The following GPHN variants were observed in gnomAD, a reference collection of about 807,000 sequenced individuals.
The protein encoded by GPHN is gephyrin.
GPHN carries 17 observed loss-of-function variants against 95.5 expected under a neutral mutation model. The ratio of observed to expected loss-of-function variants is 0.18; its 90% confidence interval spans 0.12 to 0.27. The LOEUF (loss-of-function observed/expected upper bound fraction) is 0.27. Ranked by LOEUF, GPHN falls within the 10% of genes least tolerant of loss-of-function variation. The pLI, the probability that GPHN is intolerant of heterozygous loss-of-function variation, is 1.00. For synonymous variants in GPHN, 320 were observed against 322.5 expected, an observed-to-expected ratio of 0.99 and a Z score of 0.08; for missense variants, 660 against 978.1, an observed-to-expected ratio of 0.67 and a Z score of 4.34.
the GPHN span, chr14:67,385,709 T>A: frequency 6.7e-6 from 1 of 149,606 alleles, no homozygotes; most frequent in Non-Finnish European, 1.5e-5. Flanking sequence ...TGGGCAGGTC[T>A]CGAAATCCTG....
the GPHN span, among the ~76,000 whole-genome samples, chr14:67,558,055 T>C: frequency 3.3e-5 from 5 of 152,350 alleles, no homozygotes; most frequent in South Asian, 1.0e-3. Flanking sequence ...GAGAGGCCAC[T>C]GCCCAGCATT....
chr14:66,742,758 G>A lies in GPHN; in HGVS notation c.144-33706G>A, dbSNP rs531003922. Among the ~76,000 whole-genome samples the A allele has an allele frequency of 5.3e-5, 8 of 151,974 alleles. No homozygotes were observed. In the South Asian group the frequency reaches 1.5e-3, roughly 28 times the overall value. Reference sequence around the variant, plus strand: ...ATTTGTTTTTGTTCTTCTTGTTTTTGTTTTTGTTTTGTTTTGTTTTTGAGA... The same window carrying A: ...ATTTGTTTTTGTTCTTCTTGTTTTTATTTTTGTTTTGTTTTGTTTTTGAGA... On this transcript the variant is annotated intron_variant, in intron 2 of 22. Coordinates refer to ENST00000478722, the MANE Select transcript of GPHN (RefSeq NM_020806.5).
chr14:66,797,878 C>T (rs1022197225), intron 3 of GPHN, among the ~76,000 whole-genome samples: 2 of 151,888 alleles, frequency 1.3e-5, no homozygotes, highest in African/African-American at 4.8e-5. Context: ...ACACTGATGA[C>T]AATGGGCATA....
the GPHN span, among the ~76,000 whole-genome samples, chr14:67,525,707 T>C: frequency 6.6e-6 from 1 of 152,254 alleles, no homozygotes; most frequent in Non-Finnish European, 1.5e-5. Context: ...TTTATTATGC[T>C]TGACGGGAAA....
the GPHN span, among the ~76,000 whole-genome samples, chr14:67,323,261 G>GTATATA: frequency 0.011 from 1,397 of 124,150 alleles, 18 homozygotes; most frequent in African/African-American, 0.032. Flanking sequence ...GTGTGTGTGT[G>GTATATA]TATATATATA....
the GPHN span, chr14:67,222,162 A>G: frequency 1.1e-4 from 25 of 227,800 alleles, no homozygotes; most frequent in South Asian, 3.4e-3. Flanking sequence ...AGGACCTGCC[A>G]TCCTTGCTGA....
At chr14:66,656,489 G>A (rs1258603800) in intron 1 of GPHN, among the ~76,000 whole-genome samples, 2 of 151,462 alleles carry the variant, frequency 1.3e-5, no homozygotes, top group East Asian at 3.9e-4. Context: ...TTATTTTATT[G>A]GGCTTTACAT....
intron 11 of GPHN, among the ~76,000 whole-genome samples, chr14:67,071,203 A>G (rs1331980234): frequency 6.6e-6 from 1 of 152,220 alleles, no homozygotes; most frequent in Non-Finnish European, 1.5e-5. Flanking sequence ...TTGCAGCACT[A>G]TTCACAATAG....
At chr14:67,523,038 G>T in the GPHN span, among the ~76,000 whole-genome samples, 13 of 152,288 alleles carry the variant, frequency 8.5e-5, no homozygotes, top group African/African-American at 2.4e-4. Context: ...TTCATGAGGA[G>T]CCCAGGCTGG....
the GPHN span, among the ~76,000 whole-genome samples, chr14:67,484,786 C>T: frequency 1.3e-5 from 2 of 152,116 alleles, no homozygotes; most frequent in South Asian, 4.1e-4. Flanking sequence ...AAAAAGCACT[C>T]ATAATTCTGA....
At chr14:67,729,202 A>G in the GPHN span, 1 of 1,612,756 alleles carries the variant, frequency 6.2e-7, no homozygotes, top group Non-Finnish European at 8.5e-7. Context: ...CACCGGGGTC[A>G]CCACCTACGC....
the GPHN span, chr14:67,473,920 C>A: frequency 6.3e-7 from 1 of 1,599,414 alleles, no homozygotes. The surrounding 1 kb of genome is among the most constrained non-coding windows in gnomAD (Gnocchi z 6.5). Flanking sequence ...TCGGCAGACG[C>A]CATGGCGCCG....
chr14:67,425,315 C>A, the GPHN span, among the ~76,000 whole-genome samples: 14 of 152,192 alleles, frequency 9.2e-5, no homozygotes, highest in Admixed American at 2.0e-4. Context: ...CTTTGGGAGG[C>A]CAAGGCGGGA....
At chr14:67,138,929 G>A (rs1159666514) in intron 17 of GPHN, among the ~76,000 whole-genome samples, 3 of 116,674 alleles carry the variant, frequency 2.6e-5, no homozygotes, top group Non-Finnish European at 4.9e-5. Flanking sequence ...ATTATTAAGA[G>A]ACTAGGTCTA....
chr14:67,382,607 C>T, the GPHN span: 39,364 of 1,613,302 alleles, frequency 0.024, 578 homozygotes, highest in Non-Finnish European at 0.028. Flanking sequence ...TCAATAGATT[C>T]ATTTTTAATA....
chr14:67,480,390 T>G, the GPHN span, among the ~76,000 whole-genome samples: 1 of 151,952 alleles, frequency 6.6e-6, no homozygotes, highest in African/African-American at 2.4e-5. Context: ...AGACTGAAGG[T>G]GAGCCTCCAG....
chr14:66,893,598 G>GT (rs1459270644), intron 5 of GPHN, among the ~76,000 whole-genome samples: 1 of 152,204 alleles, frequency 6.6e-6, no homozygotes, highest in Non-Finnish European at 1.5e-5. Context: ...TGACATGATT[G>GT]TATGTTTAGA....
the GPHN span, among the ~76,000 whole-genome samples, chr14:67,505,389 G>T: frequency 3.9e-5 from 6 of 152,194 alleles, no homozygotes; most frequent in Non-Finnish European, 8.8e-5. Flanking sequence ...GGACATGGTG[G>T]ACTGGCATCT....
chr14:67,508,478 C>T, the GPHN span, among the ~76,000 whole-genome samples: 10 of 152,066 alleles, frequency 6.6e-5, no homozygotes, highest in Non-Finnish European at 1.2e-4. Flanking sequence ...GTCTCCTGAC[C>T]CCTTGCACAC....
Sources: gnomAD v4.1 joint callset for allele counts (sites outside exome capture counted in the v4.1 genomes callset) on GRCh38, gnomAD v4.1.1 for gene constraint, Gnocchi (gnomAD v3.1) non-coding constraint, MANE v1.5 for transcripts, NCBI Gene and HGNC (gene_info 2026-07-23, HGNC 2026-07-21) for gene names.